Variants in MECOM observed in about 807,000 individuals in gnomAD.
MECOM encodes MDS1 and EVI1 complex locus, also known as histone-lysine N-methyltransferase MECOM.
In MECOM, 13 loss-of-function variants were observed where a neutral mutation model predicts 116.3. The ratio of observed to expected loss-of-function variants is 0.11; its 90% CI spans 0.07 to 0.18. The LOEUF is 0.18. Ranked by LOEUF, MECOM falls within the 10% of genes least tolerant of loss-of-function variation. The probability of loss-of-function intolerance (pLI) is 1.00; values close to 1 mark genes in which losing one functional copy is unlikely to be tolerated. For missense variants in MECOM, 1,299 were observed against 1,509.0 expected, an observed-to-expected ratio of 0.86 and a Z score of 2.31; for synonymous variants, 528 against 535.2, an observed-to-expected ratio of 0.99 and a Z score of 0.19.
intron 1 of MECOM, among the ~76,000 whole-genome samples, chr3:169,410,371 T>C (rs1036847112): frequency 2.6e-5 from 4 of 152,206 alleles, no homozygotes; most frequent in African/African-American, 9.6e-5. Context: ...GACAATGTGA[T>C]AGAATAAAGA....
In MECOM at chr3:169,112,807, C is replaced by G; in HGVS notation, c.2557G>C (p.Gly853Arg). The G allele has an allele frequency of 6.2e-7, 1 of 1,612,920 alleles. No homozygotes were observed. The highest frequency in any genetic ancestry group is 8.5e-7 in the Non-Finnish European group (1 of 1,179,292). Residue 853 changes from glycine (G) to arginine (R), a missense_variant, in exon 9 of 17, where the codon GGA (glycine) becomes CGA (arginine). Physicochemically the swap from Gly to Arg is moderately radical, Grantham distance 125. Transcript: ENST00000651503. ...LKEKYLRPSPGFLFHPQFQLP... is the reference protein window; with the variant it reads ...LKEKYLRPSPRFLFHPQFQLP... ...CTTACTTGTGGGTGAAACAAGAATCCTGGAGAAGGCCTCAAGTATTTCTCT... is the reference window on the plus strand; with the variant it reads ...CTTACTTGTGGGTGAAACAAGAATCGTGGAGAAGGCCTCAAGTATTTCTCT...
chr3:169,457,160 T>C (rs1357986318), intron 1 of MECOM, among the ~76,000 whole-genome samples: 2 of 152,172 alleles, frequency 1.3e-5, no homozygotes, highest in African/African-American at 4.8e-5. Context: ...GGCCCTGCCA[T>C]GTGTTTGACA....
chr3:169,292,607 AT>A (rs1030052900), intron 2 of MECOM, among the ~76,000 whole-genome samples: 5 of 152,144 alleles, frequency 3.3e-5, no homozygotes, highest in Admixed American at 2.0e-4. Flanking sequence ...TCAACTGAAT[AT>A]TAAGGAGGGC....
intron 1 of MECOM, among the ~76,000 whole-genome samples, chr3:169,498,481 G>A (rs35296325): frequency 0.049 from 7,506 of 152,254 alleles, 413 homozygotes; most frequent in East Asian, 0.31. Context: ...ATGAACAGTA[G>A]GTTTTGGGTT....
At chr3:169,284,453 T>A (rs573749010) in intron 2 of MECOM, among the ~76,000 whole-genome samples, 1 of 152,000 alleles carries the variant, frequency 6.6e-6, no homozygotes, top group Admixed American at 6.6e-5. Context: ...GGAGAAGGAT[T>A]TTTCCCAGGA....
intron 2 of MECOM, among the ~76,000 whole-genome samples, chr3:169,338,650 G>T (rs1723984778): frequency 6.6e-6 from 1 of 150,874 alleles, no homozygotes; most frequent in Admixed American, 6.6e-5. Flanking sequence ...CATAGAAGCT[G>T]CAAGAAAAGG....
At chr3:169,137,954 C>T (rs1442859306) in intron 3 of MECOM, among the ~76,000 whole-genome samples, 2 of 152,068 alleles carry the variant, frequency 1.3e-5, no homozygotes, top group African/African-American at 4.8e-5. Context: ...AGCCACCTGT[C>T]TTTAATGTGG....
At chr3:169,441,744 T>TTTTTTTTTTTTG (rs1237906532) in intron 1 of MECOM, among the ~76,000 whole-genome samples, 16 of 142,086 alleles carry the variant, frequency 1.1e-4, no homozygotes, top group Admixed American at 2.1e-4. Flanking sequence ...TTTTTTTTTT[T>TTTTTTTTTTTTG]AAAAAAGGGG....
intron 1 of MECOM, among the ~76,000 whole-genome samples, chr3:169,574,812 T>C (rs918697583): frequency 8.0e-5 from 12 of 150,780 alleles, no homozygotes; most frequent in Non-Finnish European, 1.5e-4. Flanking sequence ...TGGGCACTTA[T>C]TGGCCTGTAT....
intron 1 of MECOM, among the ~76,000 whole-genome samples, chr3:169,507,167 G>A (rs1252084385): frequency 1.3e-5 from 2 of 152,184 alleles, no homozygotes; most frequent in Non-Finnish European, 2.9e-5. Context: ...GTACAAAATG[G>A]TTTATCACTT....
rs573782273 is a variant in MECOM at position 169,601,529 on chromosome 3, C to T, written c.37+61807G>A. ...ATTGAGTTCCAGAAGGATGGTCCTG[C>T]GCCGCAGTAGAAAAACACCTTGAAA... On this transcript the variant is annotated intron_variant, in intron 1 of 16. Transcript: ENST00000651503. Among the ~76,000 whole-genome samples, 24 of 152,258 alleles carry T rather than the reference C, an allele frequency of 1.6e-4. 1 individual carries two copies. In the South Asian group the frequency reaches 3.5e-3, roughly 22 times the overall value.
At chr3:169,644,224 TTTTA>T (rs1773857804) in intron 1 of MECOM, among the ~76,000 whole-genome samples, 1 of 149,016 alleles carries the variant, frequency 6.7e-6, no homozygotes, top group South Asian at 2.1e-4. Flanking sequence ...TCGCATTTTA[TTTTA>T]TTTATTTGTT....
intron 12 of MECOM, among the ~76,000 whole-genome samples, chr3:169,096,056 T>C (rs2148896880): frequency 6.6e-6 from 1 of 152,236 alleles, no homozygotes; most frequent in African/African-American, 2.4e-5. Context: ...CATAAATTAT[T>C]TTTAAAGTTT....
chr3:169,108,517 A>G (rs546656303), intron 9 of MECOM, among the ~76,000 whole-genome samples: 3 of 152,322 alleles, frequency 2.0e-5, no homozygotes, highest in Admixed American at 6.5e-5. Flanking sequence ...GCTCTTAATG[A>G]CAAATTCTGA....
intron 2 of MECOM, among the ~76,000 whole-genome samples, chr3:169,203,224 C>T (rs1168202864): frequency 6.6e-6 from 1 of 152,114 alleles, no homozygotes; most frequent in Non-Finnish European, 1.5e-5. Context: ...TAGCAAGAAT[C>T]CTTGATGTGC....
chr3:169,326,542 T>G (rs1721855168), intron 2 of MECOM, among the ~76,000 whole-genome samples: 1 of 152,214 alleles, frequency 6.6e-6, no homozygotes, highest in Non-Finnish European at 1.5e-5. Flanking sequence ...TAATTTTCAG[T>G]GACAAGGTCA....
At chr3:169,343,110 A>G (rs1245363504) in intron 2 of MECOM, among the ~76,000 whole-genome samples, 2 of 152,166 alleles carry the variant, frequency 1.3e-5, no homozygotes, top group African/African-American at 2.4e-5. Flanking sequence ...GAGAAGATGG[A>G]TGTTCTGTAA....
intron 1 of MECOM, among the ~76,000 whole-genome samples, chr3:169,456,288 T>A (rs1247590585): frequency 1.3e-5 from 2 of 152,140 alleles, no homozygotes; most frequent in African/African-American, 4.8e-5. Flanking sequence ...GCTCCTTGCA[T>A]TGTACAATAT....
At chr3:169,282,283 T>C (rs1263916217) in intron 2 of MECOM, among the ~76,000 whole-genome samples, 1 of 152,164 alleles carries the variant, frequency 6.6e-6, no homozygotes, top group Non-Finnish European at 1.5e-5. Flanking sequence ...CACAGTACCT[T>C]ATTTTCAAGG....
Sources: allele counts gnomAD v4.1 joint callset (sites outside exome capture counted in the v4.1 genomes callset), GRCh38; gene constraint gnomAD v4.1.1; transcripts MANE v1.5; gene names NCBI Gene and HGNC (gene_info 2026-07-23, HGNC 2026-07-21).